GFRAL: variants seen among roughly 807,000 people sequenced by gnomAD.
GFRAL encodes GDNF family receptor alpha-like.
GFRAL carries 36 observed loss-of-function variants against 45.4 expected under a neutral mutation model. The observed-to-expected ratio is 0.79, with a 90% CI of 0.61 to 1.05. GFRAL has a LOEUF of 1.05. Ranked by LOEUF, GFRAL falls within the 50% of genes least tolerant of loss-of-function variation. The pLI, the probability that GFRAL is intolerant of heterozygous loss-of-function variation, is 0.00. For missense variants in GFRAL, 507 were observed against 467.5 expected (o/e 1.08, Z -0.78); for synonymous variants, 166 against 154.1 (o/e 1.08, Z -0.57).
chr6:55,382,537 A>T (rs1350679619), intron 6 of GFRAL, among the ~76,000 whole-genome samples: 3 of 151,908 alleles, frequency 2.0e-5, no homozygotes, highest in African/African-American at 7.2e-5. Flanking sequence ...TAGCTTTCAA[A>T]TTTAAAATAT....
In GFRAL at chr6:55,337,095, A is replaced by G. The variant is rs568187245; in HGVS notation, c.316+3151A>G. ...TCTCCCTACTGTACTATCAAGTACTAGAACTTATTCCTTCTATGTTAATGT... is the reference window on the plus strand; with the variant it reads ...TCTCCCTACTGTACTATCAAGTACTGGAACTTATTCCTTCTATGTTAATGT... On this transcript the variant is annotated intron_variant, in intron 3 of 8. Coordinates refer to ENST00000340465, the MANE Select transcript of GFRAL (RefSeq NM_207410.2). Among the ~76,000 whole-genome samples, 3 of 152,230 alleles carry G rather than the reference A, an allele frequency of 2.0e-5. No homozygotes were observed. The South Asian group carries it at 6.2e-4, about 32-fold the overall frequency.
intron 6 of GFRAL, among the ~76,000 whole-genome samples, chr6:55,379,515 T>TA (rs5876447): frequency 0.39 from 58,762 of 151,564 alleles, 11,720 homozygotes; most frequent in South Asian, 0.58. Flanking sequence ...AATTTATATA[T>TA]TTTTTAAATT....
intron 5 of GFRAL, among the ~76,000 whole-genome samples, chr6:55,356,141 T>G (rs1768191759): frequency 1.3e-5 from 2 of 151,972 alleles, no homozygotes; most frequent in African/African-American, 2.4e-5. Context: ...TGTTGAGGAT[T>G]TTTGCATTAA....
At chr6:55,331,421 G>A (rs1037657027) in intron 1 of GFRAL, among the ~76,000 whole-genome samples, 1 of 152,070 alleles carries the variant, frequency 6.6e-6, no homozygotes, top group Admixed American at 6.5e-5. Flanking sequence ...GGGGTAATTA[G>A]AGACTTTTTT....
Position 55,353,072 on chromosome 6 carries a change from CAGTGAGGGTAG to C in GFRAL, c.701+1494_701+1504del, listed in dbSNP as rs545262927. ...ACATGTATGTGGCATTTTAGAAAAG[CAGTGAGGGTAG>C]AGTGTGCAAAGGGGAGAGAAATAGG... is the stretch of plus-strand genomic sequence containing the variant. On this transcript the variant is annotated intron_variant, in intron 5 of 8. Coordinates refer to ENST00000340465, the MANE Select transcript of GFRAL (RefSeq NM_207410.2). Among the ~76,000 whole-genome samples the C allele has an allele frequency of 4.6e-5, 7 of 151,968 alleles. No homozygotes were observed. In the East Asian group the frequency reaches 1.4e-3, roughly 29 times the overall value.
intron 5 of GFRAL, among the ~76,000 whole-genome samples, chr6:55,353,015 T>C (rs2102164): frequency 0.48 from 72,997 of 151,782 alleles, 18,797 homozygotes; most frequent in Non-Finnish European, 0.59. Flanking sequence ...AGAGGAGATA[T>C]TAAGCAAACT....
At chr6:55,391,810 T>C (rs1768757472) in intron 6 of GFRAL, among the ~76,000 whole-genome samples, 1 of 152,212 alleles carries the variant, frequency 6.6e-6, no homozygotes, top group Non-Finnish European at 1.5e-5. Context: ...GGGAGTGAAG[T>C]AGAGCTGGTT....
rs1767969933 is a variant in GFRAL at position 55,341,818 on chromosome 6, A to C, written c.316+7874A>C. On this transcript the variant is annotated intron_variant, in intron 3 of 8. Coordinates refer to ENST00000340465, the MANE Select transcript of GFRAL (RefSeq NM_207410.2). ...GTTAACTAGAATAAACAGTATAGAG[A>C]AGTCCTTAAATGAGCTGATGGAGCT... Among the ~76,000 whole-genome samples the C allele has an allele frequency of 2.0e-5, 3 of 152,212 alleles. No individual in the cohort carries two copies. In the South Asian group the frequency reaches 6.2e-4, roughly 32 times the overall value.
intron 6 of GFRAL, among the ~76,000 whole-genome samples, chr6:55,374,717 TG>T (rs1444670775): frequency 6.6e-6 from 1 of 152,186 alleles, no homozygotes; most frequent in Non-Finnish European, 1.5e-5. Context: ...ATATCCTGAA[TG>T]GTATTGCCTA....
intron 6 of GFRAL, among the ~76,000 whole-genome samples, chr6:55,365,204 G>T (rs1304483931): frequency 6.8e-6 from 1 of 147,018 alleles, no homozygotes; most frequent in Non-Finnish European, 1.5e-5. Flanking sequence ...TGAAGCAATT[G>T]TGAATGGGAG....
At chr6:55,364,194 A>C (rs906356840) in intron 6 of GFRAL, among the ~76,000 whole-genome samples, 1 of 151,072 alleles carries the variant, frequency 6.6e-6, no homozygotes, top group Non-Finnish European at 1.5e-5. Context: ...GCCAGTGATG[A>C]TGAGCATTTT....
intron 3 of GFRAL, among the ~76,000 whole-genome samples, chr6:55,343,233 A>G (rs146004841): frequency 0.013 from 1,986 of 152,314 alleles, 22 homozygotes; most frequent in Non-Finnish European, 0.022. Context: ...CATTCTTCTC[A>G]GCACCATATC....
chr6:55,331,145 C>G (rs909656800), intron 1 of GFRAL, among the ~76,000 whole-genome samples: 1 of 152,012 alleles, frequency 6.6e-6, no homozygotes, highest in Non-Finnish European at 1.5e-5. Flanking sequence ...TTAGTTCAAA[C>G]CATAAGAGTA....
intron 6 of GFRAL, 49 bp from the exon 7 acceptor site, chr6:55,399,131 A>T: frequency 1.0e-6 from 1 of 960,388 alleles, no homozygotes. Flanking sequence ...CATAAAATTA[A>T]AATAATGTAT....
At chr6:55,347,378 G>C (rs945106485) in intron 3 of GFRAL, among the ~76,000 whole-genome samples, 1 of 152,116 alleles carries the variant, frequency 6.6e-6, no homozygotes, top group Admixed American at 6.6e-5. Context: ...AAGGTCATAA[G>C]AGCTATGGTT....
At chr6:55,390,934 A>ACACACACACAT (rs70986712) in intron 6 of GFRAL, among the ~76,000 whole-genome samples, 1 of 112,746 alleles carries the variant, frequency 8.9e-6, no homozygotes, top group Non-Finnish European at 1.8e-5. Flanking sequence ...ACACACACAC[A>ACACACACACAT]AGTAGTGGTC....
chr6:55,362,787 A>G (rs980992125), intron 6 of GFRAL, among the ~76,000 whole-genome samples: 2 of 151,984 alleles, frequency 1.3e-5, no homozygotes, highest in Admixed American at 6.6e-5. Flanking sequence ...TAAAAGAGAT[A>G]TGAAATACCA....
intron 6 of GFRAL, among the ~76,000 whole-genome samples, chr6:55,369,221 A>G (rs537378553): frequency 6.6e-6 from 1 of 152,068 alleles, no homozygotes; most frequent in East Asian, 1.9e-4. Context: ...GCCGTCCGTC[A>G]CCCCTTTCTT....
intron 3 of GFRAL, among the ~76,000 whole-genome samples, chr6:55,345,270 A>G (rs1489551974): frequency 6.6e-6 from 1 of 152,222 alleles, no homozygotes; most frequent in African/African-American, 2.4e-5. Flanking sequence ...AGCTGGAGGC[A>G]TCTTGCTACC....
Sources: allele counts gnomAD v4.1 joint callset (sites outside exome capture counted in the v4.1 genomes callset), GRCh38; gene constraint gnomAD v4.1.1; transcripts MANE v1.5; gene names NCBI Gene and HGNC (gene_info 2026-07-23, HGNC 2026-07-21).